PRSS23: variants seen among roughly 807,000 people sequenced by gnomAD.
PRSS23 encodes the protein serine protease 23, also known as protease, serine 23.
PRSS23 carries 25 observed loss-of-function variants against 34.7 expected under a neutral mutation model. That is an observed-to-expected ratio of 0.72 (90% CI 0.53 to 1.01). The LOEUF (loss-of-function observed/expected upper bound fraction) is 1.01, where lower values mean the gene tolerates loss of function less well. Among genes scored for constraint, PRSS23 ranks in the 50% least tolerant of loss-of-function variants. The pLI, the probability that PRSS23 is intolerant of heterozygous loss-of-function variation, is 0.00. For synonymous variants in PRSS23, 176 were observed against 186.6 expected, an observed-to-expected ratio of 0.94 and a Z score of 0.46; for missense variants, 445 against 475.6, an observed-to-expected ratio of 0.94 and a Z score of 0.60.
chr11:86,834,765 G>T (rs1421816950), intron 2 of PRSS23, among the ~76,000 whole-genome samples: 2 of 152,072 alleles, frequency 1.3e-5, no homozygotes, highest in Non-Finnish European at 2.9e-5. Context: ...GGAGGACTAG[G>T]TAAGCATACA....
chr11:86,821,240 A>G, intron 1 of PRSS23: 1 of 544,858 alleles, frequency 1.8e-6, no homozygotes, highest in Non-Finnish European at 3.0e-6. Flanking sequence ...CATCTAATTC[A>G]TCACAAATTT....
intron 2 of PRSS23, among the ~76,000 whole-genome samples, chr11:86,912,414 G>A (rs112001307): frequency 1.1e-3 from 3 of 2,632 alleles, no homozygotes; most frequent in Admixed American, 2.6e-3. Flanking sequence ...AATTGCACAC[G>A]TTAGGCCTTT....
At position 86,950,939 on chromosome 11, in the gene PRSS23, T is replaced by C. The variant is rs3740661; in HGVS notation, c.207-277T>C. 6,709 of 634,988 alleles carry C rather than the reference T, an allele frequency of 0.011. 119 individuals carry two copies. Among genetic ancestry groups the C allele is most frequent in the South Asian group, 0.039 (2,096 of 53,330 alleles). The allele number at this position is 634,988 out of a possible 1,614,324, so 39.3% of individuals were successfully genotyped here. ...AAAGCCTCTAACTGGCTTTTCCATT[T>C]TGGATCATTCCAAAGTCTGCAGCAA... On this transcript the variant is annotated intron_variant, in intron 2 of 2. Transcript: ENST00000533902.
chr11:86,831,597 G>C (rs1217021913), intron 2 of PRSS23, among the ~76,000 whole-genome samples: 2 of 151,708 alleles, frequency 1.3e-5, no homozygotes, highest in Non-Finnish European at 2.9e-5. Context: ...TAATATCCTA[G>C]GGGAATGTTA....
chr11:86,946,880 G>A (rs1275745811), intron 2 of PRSS23: 1 of 152,204 alleles, frequency 6.6e-6, no homozygotes, highest in African/African-American at 2.4e-5. Context: ...CTCCATCACA[G>A]AACAAAATAC....
chr11:86,943,469 C>T (rs1306312191), intron 2 of PRSS23, among the ~76,000 whole-genome samples: 1 of 151,842 alleles, frequency 6.6e-6, no homozygotes, highest in Admixed American at 6.6e-5. Flanking sequence ...CACAAACATA[C>T]AAAAATTAGT....
intron 2 of PRSS23, among the ~76,000 whole-genome samples, chr11:86,912,522 G>A (rs527936226): frequency 1.3e-5 from 2 of 152,160 alleles, no homozygotes; most frequent in African/African-American, 4.8e-5. Context: ...TGCTCTTCAA[G>A]TTCACTAACC....
At chr11:86,833,274 G>A (rs767458497) in intron 2 of PRSS23, 4 of 1,573,304 alleles carry the variant, frequency 2.5e-6, no homozygotes, top group Non-Finnish European at 3.5e-6. Context: ...GGTTGGAGAG[G>A]AAGAAGTACA....
intron 2 of PRSS23, among the ~76,000 whole-genome samples, chr11:86,906,398 G>T (rs146343336): frequency 8.5e-4 from 130 of 152,208 alleles, no homozygotes; most frequent in African/African-American, 3.0e-3. Flanking sequence ...TGCGCCCTCC[G>T]CCTGGTACTC....
At chr11:86,951,885 C>T (rs757051636) in exon 3 of PRSS23, 2 of 1,613,696 alleles carry the variant, frequency 1.2e-6, no homozygotes, top group East Asian at 2.2e-5. Flanking sequence ...TGGATGAGAA[C>T]AGGTTCTGCT....
chr11:86,851,014 T>A (rs1948524766), intron 2 of PRSS23, among the ~76,000 whole-genome samples: 2 of 152,142 alleles, frequency 1.3e-5, no homozygotes, highest in South Asian at 4.1e-4. Flanking sequence ...TCACACCAAT[T>A]CTTTGGCGTG....
At chr11:86,885,358 A>G (rs547488461) in intron 2 of PRSS23, among the ~76,000 whole-genome samples, 2 of 152,334 alleles carry the variant, frequency 1.3e-5, no homozygotes, top group Non-Finnish European at 2.9e-5. Flanking sequence ...CTGATTCCAT[A>G]AATTAGAGGC....
downstream of PRSS23, among the ~76,000 whole-genome samples, chr11:86,815,628 CT>C (rs909359624): frequency 6.6e-6 from 1 of 152,202 alleles, no homozygotes; most frequent in African/African-American, 2.4e-5. Context: ...GTGTCTGCCT[CT>C]TCTACAAGAC....
At chr11:86,845,179 AC>A (rs1338410506) in intron 2 of PRSS23, among the ~76,000 whole-genome samples, 14 of 152,300 alleles carry the variant, frequency 9.2e-5, no homozygotes, top group African/African-American at 3.1e-4. Context: ...TCAATAATTA[AC>A]ATAGATTTTT....
chr11:86,812,269 C>T (rs1948183783), downstream of PRSS23, among the ~76,000 whole-genome samples: 1 of 152,210 alleles, frequency 6.6e-6, no homozygotes, highest in African/African-American at 2.4e-5. Flanking sequence ...CCCTGCGTTT[C>T]TCCTCTCTGG....
upstream of PRSS23, among the ~76,000 whole-genome samples, chr11:86,799,673 G>A (rs1360649939): frequency 6.6e-6 from 1 of 152,090 alleles, no homozygotes; most frequent in African/African-American, 2.4e-5. Context: ...GTTAGGAGAG[G>A]ACTCCCCGCA....
chr11:86,831,740 T>C (rs922395757), intron 2 of PRSS23, among the ~76,000 whole-genome samples: 3 of 151,858 alleles, frequency 2.0e-5, no homozygotes, highest in Non-Finnish European at 4.4e-5. Context: ...TTACTACCAA[T>C]GTCATAATGC....
intron 2 of PRSS23, among the ~76,000 whole-genome samples, chr11:86,915,698 C>A (rs1398747193): frequency 6.6e-6 from 1 of 151,556 alleles, no homozygotes; most frequent in African/African-American, 2.4e-5. Flanking sequence ...AATAGATTGA[C>A]CAACTAAATT....
intron 2 of PRSS23, among the ~76,000 whole-genome samples, chr11:86,874,216 CAGA>C (rs1390698314): frequency 1.3e-5 from 2 of 152,194 alleles, no homozygotes; most frequent in Admixed American, 1.3e-4. Context: ...AGTCACCTAT[CAGA>C]GGAGTCCTGT....
Sources: allele counts gnomAD v4.1 joint callset (sites outside exome capture counted in the v4.1 genomes callset), GRCh38; gene constraint gnomAD v4.1.1; transcripts MANE v1.5; gene names NCBI Gene and HGNC (gene_info 2026-07-23, HGNC 2026-07-21).